The following IGF2BP2 variants were observed in gnomAD, a reference collection of about 807,000 sequenced individuals.
IGF2BP2 encodes the protein insulin like growth factor 2 mRNA binding protein 2.
In IGF2BP2, 17 loss-of-function variants were observed where a neutral mutation model predicts 75.8. The ratio of observed to expected loss-of-function variants is 0.22; its 90% CI spans 0.15 to 0.34. The LOEUF (loss-of-function observed/expected upper bound fraction) is 0.34. Ranked by LOEUF, IGF2BP2 falls within the 10% of genes least tolerant of loss-of-function variation. The probability of loss-of-function intolerance (pLI) is 1.00; values close to 1 mark genes in which losing one functional copy is unlikely to be tolerated. For missense variants in IGF2BP2, 516 were observed against 772.4 expected (o/e 0.67, Z 3.93); for synonymous variants, 288 against 295.6 (o/e 0.97, Z 0.26).
At chr3:185,677,331 T>C (rs1719710066) in intron 7 of IGF2BP2, among the ~76,000 whole-genome samples, 1 of 151,658 alleles carries the variant, frequency 6.6e-6, no homozygotes, top group Admixed American at 6.6e-5. Flanking sequence ...GGATCAGCAT[T>C]AGAGTTCAGA....
At chr3:185,677,080 G>T (rs867251545) in intron 7 of IGF2BP2, among the ~76,000 whole-genome samples, 669 of 86,766 alleles carry the variant, frequency 7.7e-3, no homozygotes, top group East Asian at 0.017. Flanking sequence ...GAGAGAGAGA[G>T]AGAGAGAGAG....
At chr3:185,744,628 T>C (rs1730002858) in intron 2 of IGF2BP2, among the ~76,000 whole-genome samples, 1 of 152,112 alleles carries the variant, frequency 6.6e-6, no homozygotes, top group African/African-American at 2.4e-5. Context: ...GCCAACATGG[T>C]GAAACCCCAT....
chr3:185,643,852 T>C lies in IGF2BP2; in HGVS notation c.*1679A>G, dbSNP rs1347033332. ...AAACTGGCATTGCAGTCTGGTGGTA[T>C]AATGGCTTGTCCACATAAACCAGTA... is the stretch of plus-strand genomic sequence containing the variant. On this transcript the variant is annotated 3_prime_UTR_variant, in exon 16 of 16. Coordinates refer to ENST00000382199, the MANE Select transcript of IGF2BP2 (RefSeq NM_006548.6). 6.7e-6 allele frequency: 1 copy of C among 148,942 alleles called. No individual in the cohort carries two copies. The highest frequency in any genetic ancestry group is 2.0e-4 in the East Asian group (1 of 5,026). The allele number at this position is 148,942 out of a possible 1,614,324, so 9.2% of individuals were successfully genotyped here.
At chr3:185,786,034 G>GT (rs1389158438) in intron 2 of IGF2BP2, among the ~76,000 whole-genome samples, 2 of 151,952 alleles carry the variant, frequency 1.3e-5, no homozygotes, top group Non-Finnish European at 2.9e-5. Flanking sequence ...TTTAAGCAGT[G>GT]TTTTTCAAAC....
At chr3:185,648,146 A>G (rs1477499336) in intron 14 of IGF2BP2, among the ~76,000 whole-genome samples, 6 of 152,196 alleles carry the variant, frequency 3.9e-5, no homozygotes, top group Non-Finnish European at 8.8e-5. Context: ...AATTCCGTTT[A>G]AGAGTTTCTA....
intron 7 of IGF2BP2, among the ~76,000 whole-genome samples, chr3:185,685,936 A>C (rs1721064969): frequency 6.6e-6 from 1 of 152,180 alleles, no homozygotes; most frequent in African/African-American, 2.4e-5. Flanking sequence ...GAGCCACTGC[A>C]CCCAGCATGA....
chr3:185,785,587 G>A (rs754321448), intron 2 of IGF2BP2, among the ~76,000 whole-genome samples: 1 of 151,726 alleles, frequency 6.6e-6, no homozygotes, highest in Non-Finnish European at 1.5e-5. Context: ...GGGAGACCAA[G>A]GTAGAAGGAT....
At chr3:185,695,299 G>C (rs1394395731) in intron 4 of IGF2BP2, among the ~76,000 whole-genome samples, 6 of 152,150 alleles carry the variant, frequency 3.9e-5, no homozygotes, top group Non-Finnish European at 8.8e-5. Context: ...AAAATGGGTT[G>C]TTTGCAATTT....
intron 7 of IGF2BP2, among the ~76,000 whole-genome samples, chr3:185,677,951 G>A (rs928733818): frequency 5.3e-5 from 8 of 152,098 alleles, no homozygotes; most frequent in Admixed American, 5.2e-4. Context: ...GAGAGCCTAG[G>A]GACCTATGAG....
chr3:185,684,405 T>C (rs1422938493), intron 7 of IGF2BP2, among the ~76,000 whole-genome samples: 5 of 152,068 alleles, frequency 3.3e-5, no homozygotes, highest in Non-Finnish European at 1.5e-5. Flanking sequence ...TTCTTTTTTT[T>C]TTTTCTTTTC....
At chr3:185,811,789 G>A (rs1308167801) in intron 2 of IGF2BP2, among the ~76,000 whole-genome samples, 2 of 151,722 alleles carry the variant, frequency 1.3e-5, no homozygotes, top group Admixed American at 6.6e-5. Context: ...GGAGGCTACA[G>A]TGATGGAGCA....
chr3:185,805,468 A>G (rs1738889400), intron 2 of IGF2BP2, among the ~76,000 whole-genome samples: 1 of 152,192 alleles, frequency 6.6e-6, no homozygotes, highest in Non-Finnish European at 1.5e-5. Flanking sequence ...AAGGAGGAAT[A>G]ATCAAGACTG....
chr3:185,808,850 G>A (rs1739412880), intron 2 of IGF2BP2, among the ~76,000 whole-genome samples: 1 of 152,060 alleles, frequency 6.6e-6, no homozygotes, highest in Non-Finnish European at 1.5e-5. Context: ...TTACAGGCAT[G>A]AGCCACCGCA....
intron 2 of IGF2BP2, among the ~76,000 whole-genome samples, chr3:185,751,965 AAATAAT>A (rs1197973964): frequency 1.3e-5 from 2 of 152,100 alleles, no homozygotes; most frequent in African/African-American, 2.4e-5. Context: ...CTGTCTCAAA[AAATAAT>A]AATAATAATA....
At position 185,820,505 on chromosome 3, in the gene IGF2BP2, TTAGAA is replaced by T. The variant is rs536204170; in HGVS notation, c.239+2643_239+2647del. On this transcript the variant is annotated intron_variant, in intron 2 of 15. Transcript: ENST00000382199. ...ATAAATGCTTTATGTGCGGTTGACA[TTAGAA>T]TAATTTGCATTTAATAAGAATAAAA... is the stretch of plus-strand genomic sequence containing the variant. Among the ~76,000 whole-genome samples the T allele has an allele frequency of 2.8e-4, 42 of 152,188 alleles. No homozygotes were observed. In the East Asian group the frequency reaches 7.9e-3, roughly 29 times the overall value.
At chr3:185,751,563 T>TACGTATTCTCCTGC (rs1560411018) in intron 2 of IGF2BP2, among the ~76,000 whole-genome samples, 12 of 151,102 alleles carry the variant, frequency 7.9e-5, no homozygotes, top group African/African-American at 2.7e-4. Context: ...GGAGAATTGC[T>TACGTATTCTCCTGC]TGAGGCAGGA....
At chr3:185,787,881 C>A (rs1736110577) in intron 2 of IGF2BP2, among the ~76,000 whole-genome samples, 1 of 152,172 alleles carries the variant, frequency 6.6e-6, no homozygotes, top group Non-Finnish European at 1.5e-5. Flanking sequence ...AGATCAACAT[C>A]ATTTGTTAAT....
At chr3:185,777,219 G>C (rs954035211) in intron 2 of IGF2BP2, among the ~76,000 whole-genome samples, 2 of 152,196 alleles carry the variant, frequency 1.3e-5, no homozygotes, top group African/African-American at 4.8e-5. Flanking sequence ...CCATAGGCTA[G>C]TTAATATAAA....
At chr3:185,702,618 C>T (rs1053556138) in intron 2 of IGF2BP2, among the ~76,000 whole-genome samples, 2 of 152,158 alleles carry the variant, frequency 1.3e-5, no homozygotes, top group Non-Finnish European at 2.9e-5. Flanking sequence ...CGTCTCCCAG[C>T]TGGTCCCTCC....
Sources: gnomAD v4.1 joint callset for allele counts (sites outside exome capture counted in the v4.1 genomes callset) on GRCh38, gnomAD v4.1.1 for gene constraint, MANE v1.5 for transcripts, NCBI Gene and HGNC (gene_info 2026-07-23, HGNC 2026-07-21) for gene names.